Variants in ZNF300 observed in about 807,000 individuals in gnomAD.
ZNF300 encodes the protein zinc finger protein 300.
A neutral mutation model predicts 13.9 loss-of-function variants in ZNF300; 6 were observed. That is an observed-to-expected ratio of 0.43 (90% CI 0.24 to 0.85). ZNF300 has a LOEUF of 0.85. Among genes scored for constraint, ZNF300 ranks in the 40% least tolerant of loss-of-function variants. The pLI, the probability that ZNF300 is intolerant of heterozygous loss-of-function variation, is 0.25. For missense variants in ZNF300, 662 were observed against 714.2 expected, an observed-to-expected ratio of 0.93 and a Z score of 0.83; for synonymous variants, 237 against 242.2, an observed-to-expected ratio of 0.98 and a Z score of 0.20.
At position 150,895,349 on chromosome 5, in the gene ZNF300, G is replaced by T; in HGVS notation, c.*75C>A. On this transcript the variant is annotated 3_prime_UTR_variant, in exon 6 of 6. Coordinates refer to ENST00000274599, the MANE Select transcript of ZNF300 (RefSeq NM_052860.4). ...TTATCTATTGGGATGTTGTCCCCAA[G>T]CTTATCAAATTAATTGGGTTTCTAG... 1 of 1,205,884 alleles carries T rather than the reference G, an allele frequency of 8.3e-7. No individual in the cohort carries two copies. Among genetic ancestry groups the T allele is most frequent in the Non-Finnish European group, 1.1e-6 (1 of 882,836 alleles). 74.7% of individuals were successfully genotyped at this position (1,205,884 alleles called of 1,614,324 possible).
At chr5:150,903,307 G>C (rs1581664613) in intron 2 of ZNF300, 125 bp from the exon 3 acceptor site, 1 of 1,579,236 alleles carries the variant, frequency 6.3e-7, no homozygotes, top group East Asian at 2.3e-5. Context: ...TACCCTGTGG[G>C]ATAAGGTTGT....
At position 150,898,417 on chromosome 5, in the gene ZNF300, G is replaced by A. The variant is rs773458708; in HGVS notation, c.142+11C>T. On this transcript the variant is annotated intron_variant, in intron 4 of 5. Transcript: ENST00000274599. ...GGACAACTCTGAGTTATTCAGGGAA[G>A]CCATCCTTACCCATTGAGACCAGGT... 2.5e-6 allele frequency: 4 copies of A among 1,613,416 alleles called. No individual in the cohort carries two copies. The Admixed American group carries it at 6.7e-5, about 27-fold the overall frequency.
rs1366639186 is a variant in ZNF300, at chr5:150,898,110, T to G, written c.217A>C (p.Ile73Leu). ...TCATCTGGATAGATCCAATTTGATA[T>G]GTCTCCCTTTATGATCCATGGCTCT... ...GEEPWIIKGD[I>L]SNWIYPDEYQ... The change falls in exon 5 of 6, where the codon ATA becomes CTA. Residue 73 changes from isoleucine (I) to leucine (L), a missense_variant. By Grantham distance (5) the Ile-to-Leu change is conservative. Transcript: ENST00000274599. 6.2e-7 allele frequency: 1 copy of G among 1,613,728 alleles called. No homozygotes were observed. Among genetic ancestry groups the G allele is most frequent in the Non-Finnish European group, 8.5e-7 (1 of 1,179,754 alleles).
chr5:150,900,230 T>C (rs1754946260), intron 3 of ZNF300, among the ~76,000 whole-genome samples: 1 of 152,132 alleles, frequency 6.6e-6, no homozygotes, highest in Non-Finnish European at 1.5e-5. Flanking sequence ...CCTGATACTG[T>C]AAACATCATG....
At position 150,896,822 on chromosome 5, in the gene ZNF300, C is replaced by A; in HGVS notation, c.417G>T (p.Glu139Asp). The stretch of plus-strand genomic sequence containing the variant: ...CCTGCCTGAAGAGTTTGTCTTGATT[C>A]TCTAGAAATCTCTGCAGCTGACCAT... ...QGDGQLQRFL[E>D]NQDKLFRQVT... Residue 139 changes from glutamate (E) to aspartate (D), a missense_variant, in exon 6 of 6, where the codon GAG (glutamate) becomes GAT (aspartate). By Grantham distance (45) the Glu-to-Asp change is conservative. Transcript: ENST00000274599. The A allele has an allele frequency of 1.2e-6, 2 of 1,613,718 alleles. No homozygotes were observed. The highest frequency in any genetic ancestry group is 1.7e-6 in the Non-Finnish European group (2 of 1,179,756).
Position 150,895,602 on chromosome 5 carries a change from T to G in ZNF300, c.1637A>C (p.Glu546Ala), listed in dbSNP as rs747980591. 6.2e-6 allele frequency: 10 copies of G among 1,613,380 alleles called. No individual in the cohort carries two copies. In the South Asian group the frequency reaches 7.7e-5, roughly 12 times the overall value. The part of the protein sequence containing the change: ...LPGHQRIHTG[E>A]KPYICAECGK... ...ACATTCAGCACATATGTAAGGTTTC[T>G]CTCCTGTATGAATTCGCTGGTGTCC... Residue 546 changes from glutamate (E) to alanine (A), a missense_variant, in exon 6 of 6, where the codon GAG becomes GCG. By Grantham distance (107) the Glu-to-Ala change is moderately radical. Coordinates refer to ENST00000274599, the MANE Select transcript of ZNF300 (RefSeq NM_052860.4).
chr5:150,902,005 A>C (rs1223719811), intron 3 of ZNF300, among the ~76,000 whole-genome samples: 2 of 152,196 alleles, frequency 1.3e-5, no homozygotes, highest in East Asian at 3.8e-4. Context: ...GTACTTCTAC[A>C]TATAAACTGT....
Position 150,898,572 on chromosome 5 carries a change from T to C in ZNF300, c.16-18A>G. 3 of 1,569,352 alleles carry C rather than the reference T, an allele frequency of 1.9e-6. No homozygotes were observed. The highest frequency in any genetic ancestry group is 1.4e-5 in the African/African-American group (1 of 73,750). On this transcript the variant is annotated intron_variant, in intron 3 of 5. Coordinates refer to ENST00000274599, the MANE Select transcript of ZNF300 (RefSeq NM_052860.4). ...ACTAACCCCTGTAATAGTAAATTCC[T>C]GTTCAATCTGAAATGATCATTCTCA...
Position 150,896,807 on chromosome 5 carries a change from G to C in ZNF300, c.432C>G (p.Leu144=). The C allele has an allele frequency of 6.2e-7, 1 of 1,613,748 alleles. No homozygotes were observed. The highest frequency in any genetic ancestry group is 2.2e-5 in the East Asian group (1 of 44,848). The part of the protein sequence containing the change: ...LQRFLENQDK[L]FRQVTFVNSK... ...TGTTAACAAATGTGACCTGCCTGAA[G>C]AGTTTGTCTTGATTCTCTAGAAATC... is the stretch of plus-strand genomic sequence containing the variant. Residue 144 remains leucine, a synonymous_variant, in exon 6 of 6, where the codon CTC becomes CTG. Transcript: ENST00000274599.
Position 150,896,748 on chromosome 5 carries a change from T to C in ZNF300, c.491A>G (p.Tyr164Cys). The stretch of plus-strand genomic sequence containing the variant: ...TTGAAATATTTTCCCCAGTGGATTA[T>C]ATTTATGCCCTGATGCCTCAGTCAC... The part of the protein sequence containing the change: ...KTVTEASGHK[Y>C]NPLGKIFQEC... The change falls in exon 6 of 6, where the codon TAT (tyrosine) becomes TGT (cysteine). Residue 164 changes from tyrosine to cysteine, a missense_variant. Tyr to Cys is a radical substitution (Grantham distance 194). Coordinates refer to ENST00000274599, the MANE Select transcript of ZNF300 (RefSeq NM_052860.4). 1 of 1,613,760 alleles carries C rather than the reference T, an allele frequency of 6.2e-7. No individual in the cohort carries two copies. The highest frequency in any genetic ancestry group is 8.5e-7 in the Non-Finnish European group (1 of 1,179,776).
intron 2 of ZNF300, among the ~76,000 whole-genome samples, 188 bp downstream of exon 2, chr5:150,903,676 A>AT (rs1755058420): frequency 6.6e-6 from 1 of 152,204 alleles, no homozygotes; most frequent in East Asian, 1.9e-4. Context: ...ACTCTCTTAT[A>AT]TTTTCCCCCA....
At position 150,894,800 on chromosome 5, in the gene ZNF300, C is replaced by CAA. The variant is rs1328394111; in HGVS notation, c.*622_*623dup. ...CCTCAGTGCCAATGTTTTTCAGCTC[C>CAA]AAGTTCCCAGTTGGGAAGAGTAAAA... On this transcript the variant is annotated 3_prime_UTR_variant, in exon 6 of 6. Transcript: ENST00000274599. 1 of 152,302 alleles carries CAA rather than the reference C, an allele frequency of 6.6e-6. No individual in the cohort carries two copies. Among genetic ancestry groups the CAA allele is most frequent in the Non-Finnish European group, 1.5e-5 (1 of 68,022 alleles). The allele number at this position is 152,302 out of a possible 1,614,324, so 9.4% of individuals were successfully genotyped here. A position where few individuals can be genotyped will look rare whatever the true frequency, so the allele number is the denominator to read the frequency against.
chr5:150,899,419 TTA>T (rs1754916739), intron 3 of ZNF300, among the ~76,000 whole-genome samples: 1 of 151,364 alleles, frequency 6.6e-6, no homozygotes, highest in South Asian at 2.1e-4. Flanking sequence ...ACATTTTTTT[TTA>T]AAAAAAGAAA....
chr5:150,895,498 T>C lies in ZNF300; in HGVS notation c.1741A>G (p.Ile581Val), dbSNP rs145438362. 9.9e-6 allele frequency: 16 copies of C among 1,613,160 alleles called. No homozygotes were observed. The African/African-American group carries it at 1.5e-4, about 15-fold the overall frequency. ...TTCTGGATGAAGGCCTTCCCACATA[T>C]AGCACATTGATAGGGTCTTTCCCCA... ...HTGERPYQCA[I>V]CGKAFIQKSQ... Residue 581 changes from isoleucine to valine, a missense_variant, in exon 6 of 6, where the codon ATA becomes GTA. Ile to Val is a conservative substitution (Grantham distance 29). Transcript: ENST00000274599.
chr5:150,902,353 A>G (rs919091458), intron 3 of ZNF300, among the ~76,000 whole-genome samples: 4 of 152,166 alleles, frequency 2.6e-5, no homozygotes, highest in Non-Finnish European at 5.9e-5. Context: ...TTTTGAGAGA[A>G]ATACATAGTT....
At position 150,901,634 on chromosome 5, in the gene ZNF300, A is replaced by G. The variant is rs1754998864; in HGVS notation, c.15+1507T>C. Among the ~76,000 whole-genome samples the G allele has an allele frequency of 2.0e-5, 3 of 152,162 alleles. No homozygotes were observed. The South Asian group carries it at 6.2e-4, about 31-fold the overall frequency. On this transcript the variant is annotated intron_variant, in intron 3 of 5. Transcript: ENST00000274599. ...CTGATTTCAAGATTTCACAACGATA[A>G]TCATAATGATGATGTAATAACAGCT...
chr5:150,898,614 G>A (rs543163722), intron 3 of ZNF300, 60 bp from the exon 4 acceptor site: 19 of 1,505,258 alleles, frequency 1.3e-5, no homozygotes, highest in Admixed American at 4.3e-5. Flanking sequence ...CTGCTATAAT[G>A]TGCACAACTA....
At position 150,896,513 on chromosome 5, in the gene ZNF300, A is replaced by T; in HGVS notation, c.726T>A (p.Asp242Glu). ...EKIHNGVIPF[D>E]DNQCGNVFRN... is the part of the protein sequence containing the mutation. ...TAAAAACGTTTCCACACTGATTATC[A>T]TCAAAAGGTATTACTCCATTGTGAA... is the stretch of plus-strand genomic sequence containing the variant. The change falls in exon 6 of 6, where the codon GAT (aspartate) becomes GAA (glutamate). Residue 242 changes from aspartate to glutamate, a missense_variant. Coordinates refer to ENST00000274599, the MANE Select transcript of ZNF300 (RefSeq NM_052860.4). The T allele has an allele frequency of 6.2e-7, 1 of 1,613,614 alleles. No individual in the cohort carries two copies. The highest frequency in any genetic ancestry group is 8.5e-7 in the Non-Finnish European group (1 of 1,179,820).
chr5:150,897,976 C>CA, intron 5 of ZNF300, 86 bp downstream of exon 5: 1 of 1,499,724 alleles, frequency 6.7e-7, no homozygotes, highest in Non-Finnish European at 8.9e-7. Flanking sequence ...AGCATAGAAG[C>CA]AAAGAATAGG....
Sources: gnomAD v4.1 joint callset for allele counts (sites outside exome capture counted in the v4.1 genomes callset) on GRCh38, gnomAD v4.1.1 for gene constraint, MANE v1.5 for transcripts, NCBI Gene and HGNC (gene_info 2026-07-23, HGNC 2026-07-21) for gene names.